The following PAQR5 variants were observed in gnomAD, a reference collection of about 807,000 sequenced individuals.
The protein encoded by PAQR5 is progestin and adipoQ receptor family member 5, also known as membrane progestin receptor gamma.
PAQR5 carries 20 observed loss-of-function variants against 34.5 expected under a neutral mutation model. The observed-to-expected ratio is 0.58, with a 90% CI of 0.41 to 0.84. The LOEUF (loss-of-function observed/expected upper bound fraction) is 0.84. Ranked by LOEUF, PAQR5 falls within the 40% of genes least tolerant of loss-of-function variation. The pLI, the probability that PAQR5 is intolerant of heterozygous loss-of-function variation, is 0.00. For missense variants in PAQR5, 378 were observed against 412.7 expected (o/e 0.92, Z 0.73); for synonymous variants, 131 against 155.6 (o/e 0.84, Z 1.18).
At chr15:69,346,855 C>A (rs769309131) in intron 2 of PAQR5, among the ~76,000 whole-genome samples, 2 of 151,164 alleles carry the variant, frequency 1.3e-5, no homozygotes, top group South Asian at 4.2e-4. Flanking sequence ...GAGTCTCTGT[C>A]GCCCAGGCTG....
chr15:69,340,694 C>T (rs942150457), intron 2 of PAQR5, among the ~76,000 whole-genome samples: 47 of 152,140 alleles, frequency 3.1e-4, no homozygotes, highest in African/African-American at 1.1e-3. Flanking sequence ...AACTCTAGGA[C>T]CCATGCACAT....
chr15:69,406,465 G>C lies in PAQR5; in HGVS notation c.*2643G>C, dbSNP rs1415807357. Reference sequence around the variant, plus strand: ...TGGCTGGTCTGAAGGTAGTGAGTTAGCTCAATTGATTGTTCGCAGTCAGTT... The same window carrying C: ...TGGCTGGTCTGAAGGTAGTGAGTTACCTCAATTGATTGTTCGCAGTCAGTT... On this transcript the variant is annotated 3_prime_UTR_variant, in exon 9 of 9. Coordinates refer to ENST00000395407, the MANE Select transcript of PAQR5 (RefSeq NM_017705.4). 1 of 152,230 alleles carries C rather than the reference G, an allele frequency of 6.6e-6. No individual in the cohort carries two copies. Among genetic ancestry groups the C allele is most frequent in the African/African-American group, 2.4e-5 (1 of 41,462 alleles). The allele number at this position is 152,230 out of a possible 1,614,324, so 9.4% of individuals were successfully genotyped here. A position where few individuals can be genotyped will look rare whatever the true frequency, so the allele number is the denominator to read the frequency against.
chr15:69,301,113 C>T (rs28452532), intron 1 of PAQR5, among the ~76,000 whole-genome samples: 14,525 of 150,556 alleles, frequency 0.096, 796 homozygotes, highest in East Asian at 0.13. Flanking sequence ...AAGCAATTCT[C>T]TTGCCTCAGC....
chr15:69,322,922 C>T (rs771665414), intron 1 of PAQR5, among the ~76,000 whole-genome samples: 2 of 149,044 alleles, frequency 1.3e-5, no homozygotes, highest in South Asian at 2.1e-4. Context: ...GCACAAAGAG[C>T]GCATGGGGGT....
chr15:69,322,493 G>GA (rs1021054414), intron 1 of PAQR5, among the ~76,000 whole-genome samples: 2 of 146,862 alleles, frequency 1.4e-5, no homozygotes, highest in African/African-American at 2.6e-5. Context: ...TAAAAAACAA[G>GA]AAAAAAACCT....
intron 2 of PAQR5, among the ~76,000 whole-genome samples, chr15:69,341,609 G>C (rs888819292): frequency 6.6e-6 from 1 of 151,890 alleles, no homozygotes; most frequent in East Asian, 1.9e-4. Flanking sequence ...GAGCATTTGG[G>C]CTTTCACCTT....
intron 1 of PAQR5, among the ~76,000 whole-genome samples, chr15:69,308,959 G>C (rs1469895269): frequency 1.3e-5 from 2 of 152,188 alleles, no homozygotes; most frequent in Admixed American, 6.5e-5. Flanking sequence ...TTGGACATGA[G>C]AGTGCTAAGG....
intron 1 of PAQR5, among the ~76,000 whole-genome samples, chr15:69,316,361 A>C (rs1360024185): frequency 2.0e-5 from 3 of 152,178 alleles, no homozygotes; most frequent in Non-Finnish European, 2.9e-5. Flanking sequence ...GATTACAGGC[A>C]TGAGCCACCG....
At chr15:69,339,306 C>G (rs1045940305) in intron 2 of PAQR5, among the ~76,000 whole-genome samples, 5 of 152,104 alleles carry the variant, frequency 3.3e-5, no homozygotes, top group African/African-American at 4.8e-5. Flanking sequence ...TGTTACAATT[C>G]CCCTGTCTTG....
At chr15:69,391,573 T>C (rs2056273409) in intron 6 of PAQR5, 2 of 447,256 alleles carry the variant, frequency 4.5e-6, no homozygotes, top group Non-Finnish European at 8.9e-6. Flanking sequence ...GTGCATGGGC[T>C]TGTGGACTGG....
At chr15:69,301,710 G>A (rs1400932671) in intron 1 of PAQR5, among the ~76,000 whole-genome samples, 1 of 152,018 alleles carries the variant, frequency 6.6e-6, no homozygotes, top group African/African-American at 2.4e-5. Flanking sequence ...ATGTGTATTA[G>A]CCTGGCCTCC....
chr15:69,361,201 A>G (rs2055222601), intron 3 of PAQR5, among the ~76,000 whole-genome samples: 1 of 152,166 alleles, frequency 6.6e-6, no homozygotes, highest in Non-Finnish European at 1.5e-5. Flanking sequence ...CTACCCATAG[A>G]GCATTAGCAG....
chr15:69,314,642 C>T (rs772279521), intron 1 of PAQR5: 25 of 152,496 alleles, frequency 1.6e-4, no homozygotes, highest in African/African-American at 5.5e-4. Context: ...GAATTCCAGC[C>T]GTGCTCTTGC....
intron 3 of PAQR5, among the ~76,000 whole-genome samples, chr15:69,366,686 G>C (rs2055412333): frequency 6.6e-6 from 1 of 152,138 alleles, no homozygotes; most frequent in Non-Finnish European, 1.5e-5. Context: ...CCAGTTGTTG[G>C]AGGAAGTATT....
rs186132939 is a variant in PAQR5 at position 69,355,716 on chromosome 15, C to T, written c.-115-4250C>T. 5.3e-5 allele frequency among the ~76,000 whole-genome samples: 8 copies of T among 152,126 alleles called. No individual in the cohort carries two copies. The East Asian group carries it at 7.7e-4, about 15-fold the overall frequency. On this transcript the variant is annotated intron_variant, in intron 2 of 8. Coordinates refer to ENST00000395407, the MANE Select transcript of PAQR5 (RefSeq NM_017705.4). ...GATTACAGGTGTAAGGCATTGTGCC[C>T]GGCCTGTCCTATTTCTTTATTTATT...
At chr15:69,369,273 C>A (rs1416596452) in intron 3 of PAQR5, among the ~76,000 whole-genome samples, 1 of 152,074 alleles carries the variant, frequency 6.6e-6, no homozygotes, top group Admixed American at 6.6e-5. Flanking sequence ...TGGTGGCTCA[C>A]GCCTGTAATC....
rs111779674 is a variant in PAQR5 at position 69,383,568 on chromosome 15, T to G, written c.180-1109T>G. On this transcript the variant is annotated intron_variant, in intron 4 of 8. Coordinates refer to ENST00000395407, the MANE Select transcript of PAQR5 (RefSeq NM_017705.4). ...GCCCTCTGTATTCATGGTGGAGGGT[T>G]AGTGGGCCTCTGTGCTCATGGTGGA... 2.3e-3 allele frequency among the ~76,000 whole-genome samples: 220 copies of G among 96,540 alleles called. 5 individuals are homozygous for G. The highest frequency in any genetic ancestry group is 8.9e-3 in the African/African-American group (191 of 21,546). 63.3% of individuals were successfully genotyped at this position (96,540 alleles called of 152,430 possible). A position where few individuals can be genotyped will look rare whatever the true frequency, so the allele number is the denominator to read the frequency against.
At chr15:69,353,235 G>A (rs1218251909) in intron 2 of PAQR5, among the ~76,000 whole-genome samples, 1 of 152,204 alleles carries the variant, frequency 6.6e-6, no homozygotes, top group Non-Finnish European at 1.5e-5. Context: ...GCTACCTGGT[G>A]GCAAGTTGCT....
In PAQR5 at chr15:69,353,287, C is replaced by G. The variant is rs117345292; in HGVS notation, c.-115-6679C>G. Reference sequence around the variant, plus strand: ...CATCATGGAAGAGGCAGTGTTTTTTCCTTACTGGAATACATATTTAATCTG... The same window carrying G: ...CATCATGGAAGAGGCAGTGTTTTTTGCTTACTGGAATACATATTTAATCTG... On this transcript the variant is annotated intron_variant, in intron 2 of 8. Coordinates refer to ENST00000395407, the MANE Select transcript of PAQR5 (RefSeq NM_017705.4). Among the ~76,000 whole-genome samples the G allele has an allele frequency of 5.3e-3, 811 of 152,280 alleles. 6 individuals are homozygous for G. Among genetic ancestry groups the G allele is most frequent in the Non-Finnish European group, 7.6e-3 (516 of 68,032 alleles).
Sources: allele counts gnomAD v4.1 joint callset (sites outside exome capture counted in the v4.1 genomes callset), GRCh38; gene constraint gnomAD v4.1.1; transcripts MANE v1.5; gene names NCBI Gene and HGNC (gene_info 2026-07-23, HGNC 2026-07-21).